The following DOCK5 variants were observed in gnomAD, a reference collection of about 807,000 sequenced individuals.
The protein encoded by DOCK5 is dedicator of cytokinesis 5.
Under a neutral mutation model 251.8 loss-of-function variants are expected in DOCK5, and 142 were observed. That is an observed-to-expected ratio of 0.56 (90% CI 0.49 to 0.65). The LOEUF (loss-of-function observed/expected upper bound fraction) is 0.65. Among genes scored for constraint, DOCK5 ranks in the 30% least tolerant of loss-of-function variants. DOCK5 has a pLI of 0.00. For synonymous variants in DOCK5, 842 were observed against 835.5 expected, an observed-to-expected ratio of 1.01 and a Z score of -0.13; for missense variants, 2,111 against 2,312.3, an observed-to-expected ratio of 0.91 and a Z score of 1.79.
chr8:25,221,243 A>T (rs538677261), intron 1 of DOCK5, among the ~76,000 whole-genome samples: 1 of 152,350 alleles, frequency 6.6e-6, no homozygotes, highest in East Asian at 1.9e-4. Context: ...TTATTAGATC[A>T]AAGAATTAAA....
At chr8:25,291,300 C>T (rs919036250) in intron 5 of DOCK5, among the ~76,000 whole-genome samples, 5 of 152,144 alleles carry the variant, frequency 3.3e-5, no homozygotes, top group South Asian at 2.1e-4. Context: ...AGAAATGGCT[C>T]GGGAGAAAGC....
chr8:25,390,100 T>C (rs1419246829), intron 41 of DOCK5, 106 bp from the exon 42 acceptor site: 6 of 844,780 alleles, frequency 7.1e-6, no homozygotes, highest in African/African-American at 6.9e-5. Flanking sequence ...AAGGGAGTGA[T>C]TGGTGCTGGT....
intron 5 of DOCK5, among the ~76,000 whole-genome samples, chr8:25,286,231 T>C (rs756922310): frequency 7.2e-5 from 11 of 152,024 alleles, no homozygotes; most frequent in African/African-American, 1.2e-4. Flanking sequence ...AGGCATGAGA[T>C]TGATTGCAAT....
At chr8:25,336,136 A>G (rs545739952) in intron 21 of DOCK5, 103 bp from the exon 22 acceptor site, 2 of 1,257,048 alleles carry the variant, frequency 1.6e-6, no homozygotes, top group South Asian at 1.5e-5. Context: ...ATTAGTTATG[A>G]CTTCTACTTC....
chr8:25,239,341 A>ATGTGTGTGTGTGTGTGTGTGTGTG (rs55869213), intron 1 of DOCK5, among the ~76,000 whole-genome samples: 2 of 142,184 alleles, frequency 1.4e-5, no homozygotes, highest in African/African-American at 5.5e-5. Flanking sequence ...GTGTGTGTGT[A>ATGTGTGTGTGTGTGTGTGTGTGTG]TGTGTGTGTG....
At chr8:25,212,913 C>G (rs1172557800) in intron 1 of DOCK5, among the ~76,000 whole-genome samples, 1 of 68,238 alleles carries the variant, frequency 1.5e-5, no homozygotes, top group African/African-American at 3.3e-5. Context: ...ACTGCCAAAA[C>G]CCTGAATAAG....
chr8:25,366,345 G>C (rs561532273), intron 30 of DOCK5, among the ~76,000 whole-genome samples: 1 of 152,246 alleles, frequency 6.6e-6, no homozygotes, highest in East Asian at 1.9e-4. Flanking sequence ...GCAAAAACTA[G>C]CTAGGCCTGG....
At chr8:25,268,372 A>G (rs1268891866) in intron 2 of DOCK5, among the ~76,000 whole-genome samples, 1 of 152,152 alleles carries the variant, frequency 6.6e-6, no homozygotes, top group East Asian at 1.9e-4. Flanking sequence ...TTTTTCCAGA[A>G]TAGTGGTTCT....
chr8:25,368,788 C>T, intron 33 of DOCK5, 63 bp downstream of exon 33: 1 of 1,495,644 alleles, frequency 6.7e-7, no homozygotes, highest in Non-Finnish European at 9.0e-7. Flanking sequence ...TAACTCATTT[C>T]TTTCTATATA....
chr8:25,319,014 G>A (rs931926718), intron 14 of DOCK5, among the ~76,000 whole-genome samples: 1 of 152,146 alleles, frequency 6.6e-6, no homozygotes. Context: ...AAGAGCACAT[G>A]AGCTCATTTC....
At chr8:25,358,051 G>T (rs1375332054) in intron 27 of DOCK5, among the ~76,000 whole-genome samples, 1 of 152,084 alleles carries the variant, frequency 6.6e-6, no homozygotes, top group Non-Finnish European at 1.5e-5. Flanking sequence ...GTAGTATGTT[G>T]GAACAACTGG....
chr8:25,330,783 G>A (rs953567210), intron 18 of DOCK5, among the ~76,000 whole-genome samples: 20 of 151,804 alleles, frequency 1.3e-4, no homozygotes, highest in African/African-American at 4.4e-4. Context: ...TCAGCCGGGC[G>A]CAGTGGCTCA....
rs942840180 is a variant in DOCK5 at position 25,185,767 on chromosome 8, G to A, written c.43+816G>A. 2.6e-5 allele frequency among the ~76,000 whole-genome samples: 4 copies of A among 152,328 alleles called. No individual in the cohort carries two copies. In the South Asian group the frequency reaches 8.3e-4, roughly 32 times the overall value. The stretch of plus-strand genomic sequence containing the variant: ...CCCCGGGTTGTGCGCAGGGGTTGCT[G>A]GTGGTGGTGCTTTGGCTCCGAAACA... On this transcript the variant is annotated intron_variant, in intron 1 of 51. Coordinates refer to ENST00000276440, the MANE Select transcript of DOCK5 (RefSeq NM_024940.8).
chr8:25,298,563 C>T (rs2956657), intron 7 of DOCK5, among the ~76,000 whole-genome samples: 121,491 of 152,060 alleles, frequency 0.8, 48,798 homozygotes, highest in Non-Finnish European at 0.84. Flanking sequence ...CACTTCCTCT[C>T]GGGTGTTATC....
At chr8:25,336,173 A>G (rs753805062) in intron 21 of DOCK5, 66 bp from the exon 22 acceptor site, 199 of 1,540,844 alleles carry the variant, frequency 1.3e-4, no homozygotes, top group Non-Finnish European at 1.7e-4. Flanking sequence ...CCTCTTAGAT[A>G]ACTTACCCAA....
intron 38 of DOCK5, among the ~76,000 whole-genome samples, chr8:25,378,978 A>G (rs1472445094): frequency 3.3e-5 from 5 of 152,142 alleles, no homozygotes. Flanking sequence ...ACTTTTTGTT[A>G]AGGATTTCAA....
intron 2 of DOCK5, among the ~76,000 whole-genome samples, chr8:25,247,538 A>C (rs2117554730): frequency 6.6e-6 from 1 of 152,224 alleles, no homozygotes; most frequent in Middle Eastern, 3.4e-3. Flanking sequence ...CAGAGGCTGC[A>C]GTGAGCTGAC....
At chr8:25,321,932 T>C (rs1241300574) in intron 16 of DOCK5, among the ~76,000 whole-genome samples, 1 of 152,214 alleles carries the variant, frequency 6.6e-6, no homozygotes, top group Non-Finnish European at 1.5e-5. Flanking sequence ...GAAAACTCTT[T>C]ATTCACTTGT....
rs142977216 is a variant in DOCK5 at position 25,410,890 on chromosome 8, C to T, written c.5509-304C>T. Among the ~76,000 whole-genome samples the T allele has an allele frequency of 2.4e-3, 350 of 148,576 alleles. 2 individuals carry two copies. The South Asian group carries it at 0.028, about 12-fold the overall frequency. ...GACTTTTAAGTGCCTCCTGTCTATACGCCAGGAACCCAAGTGTTGGGGATA... is the reference window on the plus strand; with the variant it reads ...GACTTTTAAGTGCCTCCTGTCTATATGCCAGGAACCCAAGTGTTGGGGATA... On this transcript the variant is annotated intron_variant, in intron 51 of 51. Coordinates refer to ENST00000276440, the MANE Select transcript of DOCK5 (RefSeq NM_024940.8).
Sources: gnomAD v4.1 joint callset for allele counts (sites outside exome capture counted in the v4.1 genomes callset) on GRCh38, gnomAD v4.1.1 for gene constraint, MANE v1.5 for transcripts, NCBI Gene and HGNC (gene_info 2026-07-23, HGNC 2026-07-21) for gene names.